KCNH7: variants seen among roughly 807,000 people sequenced by gnomAD.
KCNH7 encodes voltage-gated inwardly rectifying potassium channel KCNH7.
In KCNH7, 49 loss-of-function variants were observed where a neutral mutation model predicts 120.8. The ratio of observed to expected loss-of-function variants is 0.41; its 90% CI spans 0.32 to 0.51. The LOEUF is 0.51. Ranked by LOEUF, KCNH7 falls within the 20% of genes least tolerant of loss-of-function variation. The pLI is 0.38. For missense variants in KCNH7, 1,097 were observed against 1,446.6 expected (o/e 0.76, Z 3.92); for synonymous variants, 547 against 516.1 (o/e 1.06, Z -0.81).
At chr2:162,694,394 G>A (rs1686216661) in intron 2 of KCNH7, among the ~76,000 whole-genome samples, 1 of 151,978 alleles carries the variant, frequency 6.6e-6, no homozygotes, top group Non-Finnish European at 1.5e-5. Flanking sequence ...TTTTACTCTG[G>A]CAGACAGGCA....
At chr2:162,529,993 G>A (rs1212836495) in intron 3 of KCNH7, among the ~76,000 whole-genome samples, 1 of 151,734 alleles carries the variant, frequency 6.6e-6, no homozygotes, top group East Asian at 2.0e-4. Context: ...CTTCATTTCA[G>A]GGGACATAAG....
chr2:162,544,466 T>A (rs1358804093), intron 2 of KCNH7, among the ~76,000 whole-genome samples: 5 of 152,126 alleles, frequency 3.3e-5, no homozygotes, highest in African/African-American at 1.2e-4. Context: ...ACCATTATCA[T>A]CCCCATTAGG....
chr2:162,794,086 G>T (rs1403377676), intron 2 of KCNH7, among the ~76,000 whole-genome samples: 1 of 151,744 alleles, frequency 6.6e-6, no homozygotes, highest in Non-Finnish European at 1.5e-5. Context: ...CCTCAGGAAA[G>T]CTGAAAAAAA....
chr2:162,657,565 T>A (rs1684809324), intron 2 of KCNH7, among the ~76,000 whole-genome samples: 1 of 152,298 alleles, frequency 6.6e-6, no homozygotes, highest in African/African-American at 2.4e-5. Context: ...TGCACTACAG[T>A]TTATTTATCT....
At chr2:162,677,414 A>C (rs1183923198) in intron 2 of KCNH7, among the ~76,000 whole-genome samples, 2 of 151,502 alleles carry the variant, frequency 1.3e-5, no homozygotes, top group African/African-American at 4.8e-5. Context: ...AGAATCCTTC[A>C]TACCTCATTC....
In KCNH7 at chr2:162,398,395, G is replaced by A. The variant is rs1283558898; in HGVS notation, c.2408-1450C>T. Reference sequence around the variant, plus strand: ...ACGTAAGAAAAATCGACATTAGAAAGGATACATTAACCACAGTTTAAATAA... The same window carrying A: ...ACGTAAGAAAAATCGACATTAGAAAAGATACATTAACCACAGTTTAAATAA... On this transcript the variant is annotated intron_variant, in intron 10 of 15. Transcript: ENST00000332142. Among the ~76,000 whole-genome samples the A allele has an allele frequency of 1.3e-5, 2 of 151,740 alleles. 1 individual carries two copies. Among genetic ancestry groups the A allele is most frequent in the Non-Finnish European group, 2.9e-5 (2 of 67,848 alleles).
At chr2:162,634,223 CACTATTAAAT>C (rs1683865831) in intron 2 of KCNH7, among the ~76,000 whole-genome samples, 1 of 151,912 alleles carries the variant, frequency 6.6e-6, no homozygotes, top group African/African-American at 2.4e-5. Context: ...CATTTTAAAG[CACTATTAAAT>C]ACTATTAAAT....
chr2:162,642,484 G>A (rs998421656), intron 2 of KCNH7, among the ~76,000 whole-genome samples: 2 of 152,130 alleles, frequency 1.3e-5, no homozygotes, highest in Non-Finnish European at 2.9e-5. Flanking sequence ...ACATATTTCT[G>A]AGTTACTTAA....
At chr2:162,441,894 C>T (rs1268806474) in intron 7 of KCNH7, among the ~76,000 whole-genome samples, 1 of 149,118 alleles carries the variant, frequency 6.7e-6, no homozygotes, top group Admixed American at 6.7e-5. Flanking sequence ...CCAGTTATTG[C>T]CAGTATTTAT....
At chr2:162,754,597 T>C (rs1416170957) in intron 2 of KCNH7, among the ~76,000 whole-genome samples, 1 of 151,878 alleles carries the variant, frequency 6.6e-6, no homozygotes, top group Non-Finnish European at 1.5e-5. Flanking sequence ...AGGAAAAAAA[T>C]GCAATTGTTG....
At chr2:162,500,438 C>A (rs910585213) in intron 6 of KCNH7, among the ~76,000 whole-genome samples, 1 of 150,234 alleles carries the variant, frequency 6.7e-6, no homozygotes, top group Non-Finnish European at 1.5e-5. Flanking sequence ...GAATGACCAA[C>A]GAATGAATGA....
At chr2:162,693,681 T>G (rs1161007180) in intron 2 of KCNH7, among the ~76,000 whole-genome samples, 1 of 152,202 alleles carries the variant, frequency 6.6e-6, no homozygotes, top group Non-Finnish European at 1.5e-5. Flanking sequence ...GGGAAGAAAG[T>G]TGGCCAAGAG....
chr2:162,745,096 A>G (rs1018807132), intron 2 of KCNH7, among the ~76,000 whole-genome samples: 1 of 152,224 alleles, frequency 6.6e-6, no homozygotes, highest in Non-Finnish European at 1.5e-5. Flanking sequence ...CCTAGAAGAC[A>G]TTAAAACACT....
intron 2 of KCNH7, among the ~76,000 whole-genome samples, chr2:162,791,479 C>A (rs1683943067): frequency 6.6e-6 from 1 of 151,952 alleles, no homozygotes; most frequent in African/African-American, 2.4e-5. Flanking sequence ...TTTTGTGGTT[C>A]TCCTTGTAGG....
intron 2 of KCNH7, among the ~76,000 whole-genome samples, chr2:162,785,751 G>A (rs1683677545): frequency 6.6e-6 from 1 of 151,944 alleles, no homozygotes; most frequent in Admixed American, 6.6e-5. Flanking sequence ...TTTTGTTTTT[G>A]TTGTTGTTGC....
chr2:162,381,191 C>T (rs1441332863), intron 13 of KCNH7, among the ~76,000 whole-genome samples: 1 of 151,916 alleles, frequency 6.6e-6, no homozygotes, highest in Non-Finnish European at 1.5e-5. Flanking sequence ...ATTTGAATTA[C>T]AGAAAGTGAT....
intron 2 of KCNH7, among the ~76,000 whole-genome samples, chr2:162,589,649 C>T (rs1694138698): frequency 6.6e-6 from 1 of 152,036 alleles, no homozygotes; most frequent in African/African-American, 2.4e-5. Context: ...AGAGCAGCTT[C>T]ATCATGCATT....
In KCNH7 at chr2:162,631,027, C is replaced by A. The variant is rs1253282333; in HGVS notation, c.308-93947G>T. 2.0e-5 allele frequency among the ~76,000 whole-genome samples: 3 copies of A among 152,076 alleles called. No homozygotes were observed. The East Asian group carries it at 5.8e-4, about 29-fold the overall frequency. ...TCATATTAAACCCAGAGTGAAAGAC[C>A]ACTACTAGGTTAGTGTCAACTGCAG... On this transcript the variant is annotated intron_variant, in intron 2 of 15. Transcript: ENST00000332142.
chr2:162,572,167 C>G (rs1163126914), intron 2 of KCNH7, among the ~76,000 whole-genome samples: 1 of 151,948 alleles, frequency 6.6e-6, no homozygotes, highest in African/African-American at 2.4e-5. Context: ...GGCTAATATC[C>G]AGAATCTATA....
Sources: allele counts gnomAD v4.1 joint callset (sites outside exome capture counted in the v4.1 genomes callset), GRCh38; gene constraint gnomAD v4.1.1; transcripts MANE v1.5; gene names NCBI Gene and HGNC (gene_info 2026-07-23, HGNC 2026-07-21).